The following SNAPC1 variants were observed in gnomAD, a reference collection of about 807,000 sequenced individuals.
SNAPC1 encodes the protein snRNA-activating protein complex subunit 1.
In SNAPC1, 42 loss-of-function variants were observed where a neutral mutation model predicts 50.1. The ratio of observed to expected loss-of-function variants is 0.84; its 90% CI spans 0.65 to 1.08. The LOEUF is 1.08. SNAPC1 is among the 50% of genes least tolerant of loss of function. The probability of loss-of-function intolerance (pLI) is 0.00; values close to 1 mark genes in which losing one functional copy is unlikely to be tolerated. For synonymous variants in SNAPC1, 164 were observed against 144.2 expected, an observed-to-expected ratio of 1.14 and a Z score of -0.98; for missense variants, 477 against 427.3, an observed-to-expected ratio of 1.12 and a Z score of -1.02.
chr14:61,762,947 T>C (rs1032231909), intron 1 of SNAPC1, among the ~76,000 whole-genome samples: 6 of 150,910 alleles, frequency 4.0e-5, no homozygotes, highest in African/African-American at 9.7e-5. Flanking sequence ...CCCTTCAAGA[T>C]TGAATTAATT....
intron 8 of SNAPC1, among the ~76,000 whole-genome samples, chr14:61,791,442 TA>T (rs2140186856): frequency 6.6e-6 from 1 of 152,390 alleles, no homozygotes; most frequent in Non-Finnish European, 1.5e-5. Flanking sequence ...AAATATATTT[TA>T]TGCTCTTATT....
chr14:61,769,688 C>T (rs1215827020), intron 4 of SNAPC1, among the ~76,000 whole-genome samples: 1 of 152,150 alleles, frequency 6.6e-6, no homozygotes, highest in Non-Finnish European at 1.5e-5. Context: ...TGAGCCACTG[C>T]ACCCAGCCTA....
intron 7 of SNAPC1, among the ~76,000 whole-genome samples, chr14:61,780,818 T>G (rs1231033110): frequency 1.3e-5 from 2 of 152,180 alleles, no homozygotes; most frequent in African/African-American, 4.8e-5. Context: ...TACCATTCTG[T>G]TTTGGTTACT....
chr14:61,773,658 A>G (rs574054690), intron 4 of SNAPC1, among the ~76,000 whole-genome samples: 14 of 149,354 alleles, frequency 9.4e-5, no homozygotes, highest in African/African-American at 3.4e-4. Flanking sequence ...GGCCTCCCAA[A>G]GTGCTGGGAT....
At chr14:61,764,807 C>G (rs899704370) in intron 1 of SNAPC1, among the ~76,000 whole-genome samples, 1 of 152,060 alleles carries the variant, frequency 6.6e-6, no homozygotes, top group Non-Finnish European at 1.5e-5. Flanking sequence ...CTTTGGTTAC[C>G]GTAACTAGAG....
At chr14:61,787,265 A>G (rs1566593083) in intron 8 of SNAPC1, among the ~76,000 whole-genome samples, 1 of 152,220 alleles carries the variant, frequency 6.6e-6, no homozygotes, top group Non-Finnish European at 1.5e-5. Flanking sequence ...AAATGGGTGA[A>G]TTTTATTGTA....
At chr14:61,791,658 G>A (rs184315936) in intron 8 of SNAPC1, among the ~76,000 whole-genome samples, 3 of 152,230 alleles carry the variant, frequency 2.0e-5, no homozygotes, top group South Asian at 2.1e-4. Flanking sequence ...AACCAGCCTG[G>A]CCAGCATGGT....
At position 61,779,605 on chromosome 14, in the gene SNAPC1, C is replaced by T. The variant is rs2045057226; in HGVS notation, c.825+695C>T. Among the ~76,000 whole-genome samples the T allele has an allele frequency of 2.0e-5, 3 of 149,586 alleles. No individual in the cohort carries two copies. In the South Asian group the frequency reaches 6.4e-4, roughly 32 times the overall value. The stretch of plus-strand genomic sequence containing the variant: ...TTTTCTTTTTCACAGGATGCAATAA[C>T]TTTTTCTCTTTAAGGATATTAACTA... On this transcript the variant is annotated intron_variant, in intron 7 of 9. Transcript: ENST00000216294.
At chr14:61,790,033 G>A (rs2045141002) in intron 8 of SNAPC1, among the ~76,000 whole-genome samples, 1 of 152,188 alleles carries the variant, frequency 6.6e-6, no homozygotes, top group Non-Finnish European at 1.5e-5. Context: ...GTGGAGAGGG[G>A]TGAGACAAGA....
At chr14:61,778,788 C>A in intron 6 of SNAPC1, 60 bp from the exon 7 acceptor site, 1 of 972,278 alleles carries the variant, frequency 1.0e-6, no homozygotes, top group Non-Finnish European at 1.6e-6. Context: ...CTTGGGTATT[C>A]AGTTTTTCAC....
chr14:61,766,170 T>C (rs1314855800), intron 1 of SNAPC1, among the ~76,000 whole-genome samples: 2 of 152,262 alleles, frequency 1.3e-5, no homozygotes, highest in Admixed American at 1.3e-4. Context: ...GCTCCCACAA[T>C]TTAGCCTAAA....
intron 1 of SNAPC1, among the ~76,000 whole-genome samples, chr14:61,763,395 T>C (rs2140172424): frequency 6.6e-6 from 1 of 152,190 alleles, no homozygotes; most frequent in Admixed American, 6.5e-5. Flanking sequence ...TTCTCTGACT[T>C]GCCAAGACCA....
rs2045184770 is a variant in SNAPC1 at position 61,795,752 on chromosome 14, CT to C, written c.*770del. 2 of 151,528 alleles carry C rather than the reference CT, an allele frequency of 1.3e-5. No homozygotes were observed. The highest frequency in any genetic ancestry group is 3.8e-4 in the East Asian group (2 of 5,200). 9.4% of individuals were successfully genotyped at this position (151,528 alleles called of 1,614,324 possible). A position where few individuals can be genotyped will look rare whatever the true frequency, so the allele number is the denominator to read the frequency against. On this transcript the variant is annotated 3_prime_UTR_variant, in exon 10 of 10. Coordinates refer to ENST00000216294, the MANE Select transcript of SNAPC1 (RefSeq NM_003082.4). ...TCTGTAGCTTCATGAATATGCCACT[CT>C]GTTAATTTCTTGTTCCAGACATTTT...
chr14:61,781,849 C>A (rs927769657), intron 7 of SNAPC1, among the ~76,000 whole-genome samples: 1 of 152,250 alleles, frequency 6.6e-6, no homozygotes, highest in African/African-American at 2.4e-5. Context: ...ATGTTAAACT[C>A]ATTGTGGCCA....
At chr14:61,793,095 GA>G (rs1275451174) in intron 9 of SNAPC1, among the ~76,000 whole-genome samples, 193 bp downstream of exon 9, 2 of 152,298 alleles carry the variant, frequency 1.3e-5, no homozygotes, top group South Asian at 2.1e-4. Context: ...TACAATAAAT[GA>G]ATGGTATGGA....
chr14:61,783,149 A>G (rs1418514541), intron 8 of SNAPC1, among the ~76,000 whole-genome samples: 4 of 149,840 alleles, frequency 2.7e-5, no homozygotes, highest in Non-Finnish European at 5.9e-5. Flanking sequence ...CAGCCTCCTG[A>G]GTAGCTGGGA....
Position 61,767,368 on chromosome 14 carries a change from T to G in SNAPC1, c.429+16T>G. 1 of 1,412,570 alleles carries G rather than the reference T, an allele frequency of 7.1e-7. No homozygotes were observed. Among genetic ancestry groups the G allele is most frequent in the Non-Finnish European group, 9.3e-7 (1 of 1,075,250 alleles). The allele number at this position is 1,412,570 out of a possible 1,614,324, so 87.5% of individuals were successfully genotyped here. On this transcript the variant is annotated intron_variant, in intron 3 of 9. Transcript: ENST00000216294. ...GCCCAAATTGGTATGTTGCCTAAAA[T>G]AATTTGGTTTTTTCAAAATGAGCAA... is the stretch of plus-strand genomic sequence containing the variant.
chr14:61,775,832 A>T (rs773536783), intron 4 of SNAPC1, among the ~76,000 whole-genome samples: 3 of 152,144 alleles, frequency 2.0e-5, no homozygotes, highest in African/African-American at 7.2e-5. Flanking sequence ...TCTTTCCCCA[A>T]TGTCTTCCCC....
intron 4 of SNAPC1, among the ~76,000 whole-genome samples, chr14:61,774,851 C>T (rs572214067): frequency 5.3e-5 from 8 of 151,784 alleles, no homozygotes; most frequent in Admixed American, 2.6e-4. Flanking sequence ...TTAGTAGAGA[C>T]GGGGTTTCTC....
Sources: allele counts gnomAD v4.1 joint callset (sites outside exome capture counted in the v4.1 genomes callset), GRCh38; gene constraint gnomAD v4.1.1; transcripts MANE v1.5; gene names NCBI Gene and HGNC (gene_info 2026-07-23, HGNC 2026-07-21).